The following SLC28A3 variants were observed in gnomAD, a reference collection of about 807,000 sequenced individuals.
SLC28A3 encodes concentrative Na(+)-nucleoside cotransporter 3.
SLC28A3 carries 68 observed loss-of-function variants against 84.2 expected under a neutral mutation model. The observed-to-expected ratio is 0.81, with a 90% CI of 0.66 to 0.99. The LOEUF (loss-of-function observed/expected upper bound fraction) is 0.99, where lower values mean the gene tolerates loss of function less well. SLC28A3 is among the 50% of genes least tolerant of loss of function. The pLI is 0.00. For synonymous variants in SLC28A3, 267 were observed against 303.6 expected (o/e 0.88, Z 1.25); for missense variants, 712 against 841.5 (o/e 0.85, Z 1.90).
At chr9:84,325,039 G>A (rs555090909) in intron 1 of SLC28A3, among the ~76,000 whole-genome samples, 1 of 152,194 alleles carries the variant, frequency 6.6e-6, no homozygotes, top group Non-Finnish European at 1.5e-5. Context: ...ATTTACAAAT[G>A]TAGTTTTAAG....
chr9:84,338,375 C>T (rs187115695), intron 1 of SLC28A3, among the ~76,000 whole-genome samples: 356 of 152,280 alleles, frequency 2.3e-3, no homozygotes, highest in African/African-American at 8.0e-3. Flanking sequence ...CAAGGTAAGA[C>T]TCATACTTAT....
At chr9:84,345,483 C>T (rs907992737), upstream of SLC28A3, among the ~76,000 whole-genome samples, 1 of 152,166 alleles carries the variant, frequency 6.6e-6, no homozygotes, top group African/African-American at 2.4e-5. Flanking sequence ...AACGTGACTC[C>T]AATGCCTGAC....
At chr9:84,356,554 G>C in the SLC28A3 span, among the ~76,000 whole-genome samples, 16 of 152,088 alleles carry the variant, frequency 1.1e-4, no homozygotes, top group Admixed American at 6.6e-5. Context: ...AAATGAGGCC[G>C]GGCAAGGTGG....
the SLC28A3 span, among the ~76,000 whole-genome samples, chr9:84,348,719 T>G: frequency 2.0e-5 from 3 of 152,174 alleles, no homozygotes; most frequent in Admixed American, 1.3e-4. Flanking sequence ...TGTGGTTATC[T>G]GAGGAGTGGG....
chr9:84,292,583 A>T (rs1401783250), intron 10 of SLC28A3, 85 bp downstream of exon 10: 1 of 1,099,222 alleles, frequency 9.1e-7, no homozygotes, highest in East Asian at 2.6e-5. Context: ...CACTAAAAGA[A>T]CATTGTGTTA....
chr9:84,312,769 C>T (rs1046202720), intron 2 of SLC28A3, among the ~76,000 whole-genome samples: 4 of 152,056 alleles, frequency 2.6e-5, no homozygotes, highest in African/African-American at 7.2e-5. Flanking sequence ...GAACTCCTGA[C>T]CTCAAGTGAT....
intron 1 of SLC28A3, among the ~76,000 whole-genome samples, chr9:84,335,993 C>A (rs1424100612): frequency 2.6e-5 from 4 of 151,800 alleles, no homozygotes; most frequent in Admixed American, 2.6e-4. Context: ...AGTAACTTCC[C>A]AACGGATGTC....
At position 84,303,877 on chromosome 9, in the gene SLC28A3, AAT is replaced by A. The variant is rs1283903262; in HGVS notation, c.334+1375_334+1376del. On this transcript the variant is annotated intron_variant, in intron 4 of 17. Transcript: ENST00000376238. ...GCATGTGCATGTGTCTCCTTTCATA[AAT>A]ATTCATGACTCCCCCTATAGCTTAT... 3.9e-5 allele frequency among the ~76,000 whole-genome samples: 6 copies of A among 152,278 alleles called. No homozygotes were observed. In the East Asian group the frequency reaches 1.2e-3, roughly 29 times the overall value.
At chr9:84,360,104 G>C in the SLC28A3 span, among the ~76,000 whole-genome samples, 1 of 152,026 alleles carries the variant, frequency 6.6e-6, no homozygotes, top group African/African-American at 2.4e-5. Flanking sequence ...AACCTGTAAG[G>C]CTTTGTGGCC....
intron 12 of SLC28A3, 110 bp from the exon 13 acceptor site, chr9:84,286,221 C>A: frequency 2.9e-6 from 3 of 1,037,024 alleles, no homozygotes; most frequent in Non-Finnish European, 4.2e-6. Flanking sequence ...AACTCTAAGG[C>A]CCCTGCCTTG....
intron 1 of SLC28A3, among the ~76,000 whole-genome samples, chr9:84,340,361 C>T (rs1308853815): frequency 1.3e-5 from 2 of 152,124 alleles, no homozygotes; most frequent in African/African-American, 2.4e-5. Context: ...TTCTAAGTGA[C>T]CATAGGGATC....
chr9:84,340,504 T>G, intron 1 of SLC28A3, 70 bp downstream of exon 1: 1 of 1,537,712 alleles, frequency 6.5e-7, no homozygotes, highest in Non-Finnish European at 9.0e-7. Context: ...GTAAGAAACT[T>G]GCCAAGGGGC....
intron 4 of SLC28A3, among the ~76,000 whole-genome samples, chr9:84,302,761 G>A (rs1041376368): frequency 4.6e-5 from 7 of 152,084 alleles, no homozygotes; most frequent in Non-Finnish European, 1.0e-4. Flanking sequence ...TTGAAGTGAC[G>A]ACTGGCAAAG....
In SLC28A3 at chr9:84,280,083, A is replaced by G. The variant is rs200536179; in HGVS notation, c.1730-10T>C. On this transcript the variant is annotated splice_polypyrimidine_tract_variant and intron_variant, in intron 15 of 17. Coordinates refer to ENST00000376238, the MANE Select transcript of SLC28A3 (RefSeq NM_001199633.2). ...GAAGGAGCCATGGATGCTGGGAAAC[A>G]TGGAAGGAGGGATGTGAGATCAATG... The G allele has an allele frequency of 6.9e-5, 112 of 1,612,686 alleles. No individual in the cohort carries two copies. In the Middle Eastern group the frequency reaches 2.0e-3, roughly 29 times the overall value.
At chr9:84,361,911 A>AAAATAAATAAAT in the SLC28A3 span, among the ~76,000 whole-genome samples, 241 of 151,122 alleles carry the variant, frequency 1.6e-3, no homozygotes, top group African/African-American at 5.7e-3. Context: ...TCTGTCTCTA[A>AAAATAAATAAAT]AAATAAATAA....
the SLC28A3 span, among the ~76,000 whole-genome samples, chr9:84,346,333 T>C: frequency 6.6e-6 from 1 of 152,344 alleles, no homozygotes; most frequent in East Asian, 1.9e-4. Context: ...CAATAGATTG[T>C]TTTTCCTGCC....
At chr9:84,310,253 G>T (rs1057083406) in intron 2 of SLC28A3, among the ~76,000 whole-genome samples, 1 of 152,118 alleles carries the variant, frequency 6.6e-6, no homozygotes. Flanking sequence ...GGGCTAAAGG[G>T]GACTATTTCC....
At chr9:84,335,467 G>A (rs533086916) in intron 1 of SLC28A3, among the ~76,000 whole-genome samples, 1 of 152,342 alleles carries the variant, frequency 6.6e-6, no homozygotes, top group Admixed American at 6.5e-5. Context: ...AGGATTGCCT[G>A]GGCTCAGGAG....
At chr9:84,321,633 C>T (rs1190331533) in intron 1 of SLC28A3, among the ~76,000 whole-genome samples, 1 of 148,078 alleles carries the variant, frequency 6.8e-6, no homozygotes, top group Non-Finnish European at 1.5e-5. Flanking sequence ...ACTCAGGAGG[C>T]TGAGGCAGGA....
Sources: allele counts gnomAD v4.1 joint callset (sites outside exome capture counted in the v4.1 genomes callset), GRCh38; gene constraint gnomAD v4.1.1; transcripts MANE v1.5; gene names NCBI Gene and HGNC (gene_info 2026-07-23, HGNC 2026-07-21).